The following PTPRK variants were observed in gnomAD, a reference collection of about 807,000 sequenced individuals.
PTPRK encodes receptor-type tyrosine-protein phosphatase kappa.
In PTPRK, 75 loss-of-function variants were observed where a neutral mutation model predicts 178.0. That is an observed-to-expected ratio of 0.42 (90% CI 0.35 to 0.51). PTPRK has a LOEUF of 0.51. Among genes scored for constraint, PTPRK ranks in the 20% least tolerant of loss-of-function variants. The probability of loss-of-function intolerance (pLI) is 0.02; values close to 1 mark genes in which losing one functional copy is unlikely to be tolerated. For missense variants in PTPRK, 1,441 were observed against 1,797.8 expected (o/e 0.80, Z 3.59); for synonymous variants, 637 against 620.6 (o/e 1.03, Z -0.39).
intron 7 of PTPRK, among the ~76,000 whole-genome samples, chr6:128,158,763 C>A (rs942995932): frequency 6.6e-6 from 1 of 151,926 alleles, no homozygotes; most frequent in African/African-American, 2.4e-5. Flanking sequence ...ACAGTGGCCA[C>A]TTCACGTTTC....
At chr6:128,316,269 C>T (rs775661017) in intron 3 of PTPRK, among the ~76,000 whole-genome samples, 101 of 152,298 alleles carry the variant, frequency 6.6e-4, no homozygotes, top group Admixed American at 3.9e-3. Flanking sequence ...TTCCACTGCT[C>T]CTTTTAGCAT....
At chr6:128,256,257 G>T (rs2128291406) in intron 3 of PTPRK, among the ~76,000 whole-genome samples, 1 of 152,264 alleles carries the variant, frequency 6.6e-6, no homozygotes, top group Middle Eastern at 3.4e-3. Context: ...AAAACAGCAA[G>T]ACTTCAGAGA....
At chr6:128,003,277 TG>T (rs1778048957) in intron 15 of PTPRK, 1 of 1,523,726 alleles carries the variant, frequency 6.6e-7, no homozygotes, top group Non-Finnish European at 8.9e-7. Flanking sequence ...GCTCTAAAAT[TG>T]TTTTTTAAAA....
intron 7 of PTPRK, among the ~76,000 whole-genome samples, chr6:128,138,534 C>T (rs1025337216): frequency 6.6e-6 from 1 of 152,092 alleles, no homozygotes; most frequent in Non-Finnish European, 1.5e-5. Flanking sequence ...AAACCTTCCT[C>T]TGAAAGTCTC....
chr6:128,220,395 A>C (rs1203001037), intron 5 of PTPRK, among the ~76,000 whole-genome samples: 2 of 152,238 alleles, frequency 1.3e-5, no homozygotes, highest in Non-Finnish European at 2.9e-5. Context: ...CAAAAAGGAC[A>C]AAGAAAACCC....
At chr6:128,079,288 G>C (rs549905498) in intron 10 of PTPRK, among the ~76,000 whole-genome samples, 1 of 151,970 alleles carries the variant, frequency 6.6e-6, no homozygotes, top group African/African-American at 2.4e-5. Flanking sequence ...CACATATGGC[G>C]ATCAGGAGCT....
chr6:128,065,258 C>A (rs774999539), intron 12 of PTPRK, among the ~76,000 whole-genome samples: 2 of 152,112 alleles, frequency 1.3e-5, no homozygotes, highest in Non-Finnish European at 2.9e-5. Flanking sequence ...TTAGAAAGAT[C>A]ATCAAAACAT....
At chr6:128,464,526 G>C (rs1849491145) in intron 1 of PTPRK, among the ~76,000 whole-genome samples, 1 of 149,682 alleles carries the variant, frequency 6.7e-6, no homozygotes, top group South Asian at 2.1e-4. Context: ...TACATCAAAA[G>C]TAATAAATTA....
intron 1 of PTPRK, among the ~76,000 whole-genome samples, chr6:128,449,280 C>G (rs888715092): frequency 6.6e-6 from 1 of 152,174 alleles, no homozygotes; most frequent in Non-Finnish European, 1.5e-5. Flanking sequence ...GAAAAAGAGA[C>G]TTATTTAAAA....
chr6:128,069,171 CTAGT>C (rs971374098), intron 11 of PTPRK, among the ~76,000 whole-genome samples: 3 of 151,944 alleles, frequency 2.0e-5, no homozygotes, highest in African/African-American at 7.3e-5. Context: ...TCTTTTCTTC[CTAGT>C]TATTTAAGCT....
chr6:128,409,223 C>A, intron 1 of PTPRK: 1 of 383,712 alleles, frequency 2.6e-6, no homozygotes, highest in Non-Finnish European at 5.1e-6. Flanking sequence ...TTAAGTCAGC[C>A]AACAATAAAC....
At position 127,991,376 on chromosome 6, in the gene PTPRK, G is replaced by A. The variant is rs756169195; in HGVS notation, c.2897C>T (p.Thr966Ile). The A allele has an allele frequency of 6.3e-7, 1 of 1,588,468 alleles. No individual in the cohort carries two copies. Among genetic ancestry groups the A allele is most frequent in the South Asian group, 1.2e-5 (1 of 85,374 alleles). The part of the protein sequence containing the change: ...YIATQGPVHE[T>I]VYDFWRMIWQ... ...AATCATCCTCCAGAAATCATACACTGTTTCATGAACGGGACCTACAAAGAA... is the reference window on the plus strand; with the variant it reads ...AATCATCCTCCAGAAATCATACACTATTTCATGAACGGGACCTACAAAGAA... Residue 966 changes from threonine (T) to isoleucine (I), a missense_variant, in exon 20 of 30, where the codon ACA becomes ATA. Transcript: ENST00000368226.
At chr6:128,363,762 CAA>C (rs1835091781) in intron 2 of PTPRK, among the ~76,000 whole-genome samples, 1 of 152,100 alleles carries the variant, frequency 6.6e-6, no homozygotes, top group African/African-American at 2.4e-5. Flanking sequence ...CAAAACAACT[CAA>C]ATAGTTTTTT....
chr6:128,340,926 C>G (rs950904907), intron 2 of PTPRK: 1 of 240,136 alleles, frequency 4.2e-6, no homozygotes, highest in East Asian at 1.4e-4. Context: ...ATAGTACATT[C>G]CAAAATAACA....
chr6:128,345,997 A>G (rs533696773), intron 2 of PTPRK, among the ~76,000 whole-genome samples: 1 of 152,190 alleles, frequency 6.6e-6, no homozygotes, highest in Non-Finnish European at 1.5e-5. Context: ...TAAAAGGTAT[A>G]TATTTCAGGC....
At chr6:127,982,475 C>T (rs12660660) in intron 24 of PTPRK, among the ~76,000 whole-genome samples, 7,363 of 152,058 alleles carry the variant, frequency 0.048, 283 homozygotes, top group African/African-American at 0.1. Flanking sequence ...GGGGTTTCAC[C>T]GTGTTAGCCA....
intron 7 of PTPRK, among the ~76,000 whole-genome samples, chr6:128,151,025 T>G (rs1797169798): frequency 6.6e-6 from 1 of 152,054 alleles, no homozygotes; most frequent in African/African-American, 2.4e-5. Context: ...TAAAACAAAA[T>G]ATTAAAGGAA....
At chr6:128,113,973 T>A (rs1791084620) in intron 7 of PTPRK, among the ~76,000 whole-genome samples, 1 of 152,136 alleles carries the variant, frequency 6.6e-6, no homozygotes, top group Non-Finnish European at 1.5e-5. Flanking sequence ...TGTAAAGAAC[T>A]ATGACAACAT....
intron 16 of PTPRK, among the ~76,000 whole-genome samples, 174 bp downstream of exon 16, chr6:127,998,539 TTTCCCCA>T (rs1777437948): frequency 6.6e-6 from 1 of 152,018 alleles, no homozygotes; most frequent in African/African-American, 2.4e-5. Flanking sequence ...GAAGTGCTTT[TTTCCCCA>T]TTCCCTTCCC....
Sources: allele counts gnomAD v4.1 joint callset (sites outside exome capture counted in the v4.1 genomes callset), GRCh38; gene constraint gnomAD v4.1.1; transcripts MANE v1.5; gene names NCBI Gene and HGNC (gene_info 2026-07-23, HGNC 2026-07-21).